The following FHOD3 variants were observed in gnomAD, a reference collection of about 807,000 sequenced individuals.
The protein encoded by FHOD3 is formin homology 2 domain containing 3.
In FHOD3, 90 loss-of-function variants were observed where a neutral mutation model predicts 173.0. The observed-to-expected ratio is 0.52, with a 90% CI of 0.44 to 0.62. The LOEUF (loss-of-function observed/expected upper bound fraction) is 0.62. Among genes scored for constraint, FHOD3 ranks in the 20% least tolerant of loss-of-function variants. The probability of loss-of-function intolerance (pLI) is 0.00; values close to 1 mark genes in which losing one functional copy is unlikely to be tolerated. For synonymous variants in FHOD3, 828 were observed against 823.0 expected, an observed-to-expected ratio of 1.01 and a Z score of -0.10; for missense variants, 1,945 against 2,034.7, an observed-to-expected ratio of 0.96 and a Z score of 0.85.
chr18:36,340,788 C>G (rs1363768424), intron 1 of FHOD3, among the ~76,000 whole-genome samples: 1 of 152,160 alleles, frequency 6.6e-6, no homozygotes, highest in East Asian at 1.9e-4. Context: ...AGGCCCCCAC[C>G]ACCACGCCCG....
chr18:36,550,131 C>T (rs751636188), intron 5 of FHOD3, among the ~76,000 whole-genome samples: 31 of 151,200 alleles, frequency 2.1e-4, no homozygotes, highest in Non-Finnish European at 4.4e-4. Context: ...ACTGCCTTTT[C>T]TCAGAGACTG....
chr18:36,343,236 C>A (rs532730257), intron 1 of FHOD3, among the ~76,000 whole-genome samples: 1 of 151,936 alleles, frequency 6.6e-6, no homozygotes, highest in South Asian at 2.1e-4. Flanking sequence ...TTCATAGTAG[C>A]CAAAAAGTGG....
rs181808910 is a variant in FHOD3, at chr18:36,563,430, G to C, written c.512-13021G>C. Among the ~76,000 whole-genome samples, 790 of 152,258 alleles carry C rather than the reference G, an allele frequency of 5.2e-3. 7 individuals carry two copies. Among genetic ancestry groups the C allele is most frequent in the African/African-American group, 0.018 (734 of 41,548 alleles). On this transcript the variant is annotated intron_variant, in intron 5 of 28. Coordinates refer to ENST00000590592, the MANE Select transcript of FHOD3 (RefSeq NM_001281740.3). ...GAACTGGGAGTTTTGGAGGTCTTTG[G>C]GTTAAACCCTTGTGTCTCTCAGATG...
chr18:36,576,950 G>C (rs917102813), intron 6 of FHOD3, among the ~76,000 whole-genome samples: 4 of 152,180 alleles, frequency 2.6e-5, no homozygotes, highest in Non-Finnish European at 4.4e-5. Context: ...AAAATTAGCT[G>C]GGCATGGTGG....
intron 17 of FHOD3, among the ~76,000 whole-genome samples, chr18:36,698,445 G>A (rs1027542569): frequency 6.6e-6 from 1 of 152,132 alleles, no homozygotes; most frequent in African/African-American, 2.4e-5. Flanking sequence ...GTAAAGATAG[G>A]CATAGAATGG....
At chr18:36,411,135 A>G (rs2049334341) in intron 3 of FHOD3, among the ~76,000 whole-genome samples, 1 of 152,144 alleles carries the variant, frequency 6.6e-6, no homozygotes, top group South Asian at 2.1e-4. Flanking sequence ...GACTTTTATC[A>G]TTTTAGCTCT....
chr18:36,766,213 T>G (rs2043132924), intron 27 of FHOD3, among the ~76,000 whole-genome samples: 1 of 152,240 alleles, frequency 6.6e-6, no homozygotes, highest in African/African-American at 2.4e-5. Context: ...CACAGAAGTC[T>G]ATCTTCAGAG....
At chr18:36,578,621 C>A (rs528277) in intron 6 of FHOD3, among the ~76,000 whole-genome samples, 1 of 152,168 alleles carries the variant, frequency 6.6e-6, no homozygotes, top group African/African-American at 2.4e-5. Flanking sequence ...CCTGGCCCTA[C>A]CCCTGGAGTC....
intron 1 of FHOD3, among the ~76,000 whole-genome samples, chr18:36,330,103 T>C (rs1283814215): frequency 1.3e-5 from 2 of 152,192 alleles, no homozygotes; most frequent in Admixed American, 6.5e-5. Flanking sequence ...GAGGGAATCA[T>C]GTTGTGTGAA....
intron 18 of FHOD3, among the ~76,000 whole-genome samples, chr18:36,713,530 A>G (rs947679355): frequency 2.0e-5 from 3 of 152,252 alleles, no homozygotes; most frequent in African/African-American, 4.8e-5. Flanking sequence ...GGATGAAGAA[A>G]GGTTGACTAA....
chr18:36,553,052 C>A (rs2057726477), intron 5 of FHOD3, among the ~76,000 whole-genome samples: 1 of 152,056 alleles, frequency 6.6e-6, no homozygotes, highest in African/African-American at 2.4e-5. Context: ...TTGTCAAAGG[C>A]CTTTTCTGCA....
At chr18:36,490,796 G>A (rs1001491233) in intron 3 of FHOD3, among the ~76,000 whole-genome samples, 1 of 152,182 alleles carries the variant, frequency 6.6e-6, no homozygotes, top group African/African-American at 2.4e-5. Context: ...GTCAGTGATT[G>A]TTTGAAAGAA....
chr18:36,601,819 CCATGT>C (rs1414131982), intron 7 of FHOD3, among the ~76,000 whole-genome samples: 1 of 152,214 alleles, frequency 6.6e-6, no homozygotes, highest in African/African-American at 2.4e-5. Flanking sequence ...GCCTAGAAAA[CCATGT>C]CAAGGTGTTA....
At position 36,632,011 on chromosome 18, in the gene FHOD3, T is replaced by G. The variant is rs78118373; in HGVS notation, c.1196+6262T>G. ...TTTTGCTATGGCTTGGTTCCAGTTT[T>G]TTTCTCATACCAAACTTGCTGTAAT... On this transcript the variant is annotated intron_variant, in intron 10 of 28. Transcript: ENST00000590592. Among the ~76,000 whole-genome samples the G allele has an allele frequency of 1.4e-4, 22 of 151,888 alleles. No individual in the cohort carries two copies. The East Asian group carries it at 4.2e-3, about 29-fold the overall frequency.
intron 5 of FHOD3, among the ~76,000 whole-genome samples, chr18:36,553,728 T>G (rs886161156): frequency 7.2e-5 from 11 of 152,202 alleles, no homozygotes; most frequent in Admixed American, 1.3e-4. Context: ...ATTTTTACAA[T>G]CTACCCATCT....
chr18:36,779,723 A>G lies in FHOD3; in HGVS notation c.*193A>G, dbSNP rs981901067. On this transcript the variant is annotated 3_prime_UTR_variant, in exon 29 of 29. Coordinates refer to ENST00000590592, the MANE Select transcript of FHOD3 (RefSeq NM_001281740.3). Reference sequence around the variant, plus strand: ...ACTTGGATCTCCAGGAGTCCCCTGCACATACCTTCTCCATCGTGTCAGCTG... The same window carrying G: ...ACTTGGATCTCCAGGAGTCCCCTGCGCATACCTTCTCCATCGTGTCAGCTG... 1.0e-5 allele frequency: 6 copies of G among 583,758 alleles called. No individual in the cohort carries two copies. The highest frequency in any genetic ancestry group is 1.9e-5 in the African/African-American group (1 of 53,646). The allele number at this position is 583,758 out of a possible 1,614,324, so 36.2% of individuals were successfully genotyped here.
At chr18:36,300,508 C>T (rs1175174325) in intron 1 of FHOD3, among the ~76,000 whole-genome samples, 2 of 152,136 alleles carry the variant, frequency 1.3e-5, no homozygotes, top group Non-Finnish European at 1.5e-5. Context: ...GTCTGTTGAC[C>T]TGGGTGAGCT....
At chr18:36,687,319 T>A in intron 16 of FHOD3, 141 bp downstream of exon 16, 1 of 621,584 alleles carries the variant, frequency 1.6e-6, no homozygotes, top group Non-Finnish European at 2.8e-6. Flanking sequence ...GAACAGAGTG[T>A]ACTAGTTACC....
chr18:36,518,957 A>T (rs2056132685), intron 5 of FHOD3, among the ~76,000 whole-genome samples: 1 of 152,160 alleles, frequency 6.6e-6, no homozygotes, highest in South Asian at 2.1e-4. Context: ...GAGTATGGTC[A>T]GGGGCAGGGA....
Sources: allele counts gnomAD v4.1 joint callset (sites outside exome capture counted in the v4.1 genomes callset), GRCh38; gene constraint gnomAD v4.1.1; transcripts MANE v1.5; gene names NCBI Gene and HGNC (gene_info 2026-07-23, HGNC 2026-07-21).